FHIT: variants seen among roughly 807,000 people sequenced by gnomAD.
FHIT encodes fragile histidine triad diadenosine triphosphatase.
In FHIT, 19 loss-of-function variants were observed where a neutral mutation model predicts 17.9. The ratio of observed to expected loss-of-function variants is 1.06; its 90% CI spans 0.74 to 1.56. FHIT has a LOEUF of 1.56. Ranked by LOEUF, FHIT falls within the 40% of genes most tolerant of loss-of-function variation. FHIT has a pLI of 0.00. For synonymous variants in FHIT, 81 were observed against 69.7 expected, an observed-to-expected ratio of 1.16 and a Z score of -0.81; for missense variants, 248 against 189.2, an observed-to-expected ratio of 1.31 and a Z score of -1.82.
chr3:59,821,026 G>A (rs1162319968), intron 8 of FHIT, among the ~76,000 whole-genome samples: 1 of 152,194 alleles, frequency 6.6e-6, no homozygotes, highest in East Asian at 1.9e-4. Flanking sequence ...TGAATTCAAA[G>A]TGCAGATAAA....
At chr3:60,372,836 T>C (rs994980649) in intron 5 of FHIT, among the ~76,000 whole-genome samples, 2 of 152,134 alleles carry the variant, frequency 1.3e-5, no homozygotes, top group African/African-American at 4.8e-5. Flanking sequence ...TCCTCTGAAA[T>C]TAAAGTTTCT....
chr3:59,872,700 T>C (rs1702976976), intron 8 of FHIT, among the ~76,000 whole-genome samples: 1 of 152,220 alleles, frequency 6.6e-6, no homozygotes, highest in Admixed American at 6.5e-5. Context: ...CAACAGATTT[T>C]GGACTCAGCA....
chr3:61,128,247 T>C (rs934511439), intron 2 of FHIT, among the ~76,000 whole-genome samples: 1 of 152,130 alleles, frequency 6.6e-6, no homozygotes, highest in Non-Finnish European at 1.5e-5. Flanking sequence ...ATTCACAGAA[T>C]ACAGTGCAAG....
intron 3 of FHIT, among the ~76,000 whole-genome samples, chr3:60,857,253 C>T (rs1703427050): frequency 6.6e-6 from 1 of 152,084 alleles, no homozygotes; most frequent in South Asian, 2.1e-4. Flanking sequence ...AAAAAAGTTA[C>T]TCAGAGTGGT....
At chr3:59,801,727 C>T (rs1006945980) in intron 8 of FHIT, among the ~76,000 whole-genome samples, 26 of 152,052 alleles carry the variant, frequency 1.7e-4, no homozygotes, top group Non-Finnish European at 3.1e-4. Flanking sequence ...TGTCACCACC[C>T]TCACTGTACA....
intron 3 of FHIT, among the ~76,000 whole-genome samples, chr3:61,034,598 T>C (rs1275967738): frequency 6.6e-6 from 1 of 152,124 alleles, no homozygotes; most frequent in Non-Finnish European, 1.5e-5. Flanking sequence ...TCACACCTAA[T>C]AGGATGGCTA....
At chr3:59,885,493 C>G (rs1210276393) in intron 8 of FHIT, among the ~76,000 whole-genome samples, 2 of 149,588 alleles carry the variant, frequency 1.3e-5, no homozygotes, top group Non-Finnish European at 3.0e-5. Context: ...TTGGTCCAAG[C>G]TATTCTGAGA....
rs528024825 is a variant in FHIT, at chr3:60,521,310, T to G, written c.103+15550A>C. On this transcript the variant is annotated intron_variant, in intron 5 of 9. Coordinates refer to ENST00000492590, the MANE Select transcript of FHIT (RefSeq NM_002012.4). ...TCTCCCAGGCTGGAGTGCAATGGCA[T>G]GATCTCGGCTCACTGCAAGCTCCGC... Among the ~76,000 whole-genome samples, 14 of 152,204 alleles carry G rather than the reference T, an allele frequency of 9.2e-5. No homozygotes were observed. The East Asian group carries it at 1.2e-3, about 13-fold the overall frequency.
intron 5 of FHIT, among the ~76,000 whole-genome samples, chr3:60,307,205 C>T (rs1289695208): frequency 6.6e-6 from 1 of 152,150 alleles, no homozygotes; most frequent in East Asian, 1.9e-4. Flanking sequence ...TCCAGTAAAA[C>T]ATCTCCTCAA....
chr3:60,268,524 A>G (rs1306399030), intron 5 of FHIT, among the ~76,000 whole-genome samples: 1 of 152,242 alleles, frequency 6.6e-6, no homozygotes, highest in Non-Finnish European at 1.5e-5. Flanking sequence ...GAAGCTGGAC[A>G]TTTATTGAGT....
chr3:59,768,795 T>G (rs1248418999), intron 8 of FHIT, among the ~76,000 whole-genome samples: 3 of 152,252 alleles, frequency 2.0e-5, no homozygotes, highest in Non-Finnish European at 2.9e-5. Flanking sequence ...AGTTTAATTA[T>G]GTTATGTAAA....
intron 4 of FHIT, among the ~76,000 whole-genome samples, chr3:60,703,576 C>T (rs556868173): frequency 2.0e-5 from 3 of 152,204 alleles, no homozygotes; most frequent in South Asian, 4.2e-4. Context: ...TAATTATATA[C>T]TTCCACATAT....
At chr3:59,810,420 A>T (rs530601032) in intron 8 of FHIT, among the ~76,000 whole-genome samples, 8 of 152,320 alleles carry the variant, frequency 5.3e-5, no homozygotes, top group African/African-American at 1.9e-4. Context: ...GACCCTCCCA[A>T]ATCAATCAAA....
At chr3:59,956,839 T>C (rs1013291937) in intron 7 of FHIT, among the ~76,000 whole-genome samples, 2 of 152,198 alleles carry the variant, frequency 1.3e-5, no homozygotes, top group East Asian at 1.9e-4. Flanking sequence ...GTAAACATTA[T>C]TGTCAAAAAT....
chr3:60,456,557 T>C (rs926840667), intron 5 of FHIT, among the ~76,000 whole-genome samples: 2 of 152,218 alleles, frequency 1.3e-5, no homozygotes, highest in Non-Finnish European at 2.9e-5. Flanking sequence ...TACTGTATCA[T>C]AGCAATTAAG....
intron 5 of FHIT, among the ~76,000 whole-genome samples, chr3:60,083,031 A>G (rs1310085744): frequency 6.6e-6 from 1 of 152,052 alleles, no homozygotes; most frequent in Non-Finnish European, 1.5e-5. Flanking sequence ...GTCATAAATT[A>G]TTTCCCAAGG....
chr3:60,387,647 T>C (rs997394523), intron 5 of FHIT, among the ~76,000 whole-genome samples: 3 of 152,160 alleles, frequency 2.0e-5, no homozygotes, highest in African/African-American at 7.2e-5. Flanking sequence ...AGTCTGTCTG[T>C]TTCTCCACTC....
chr3:60,011,302 T>C lies in FHIT; in HGVS notation c.279+69A>G, dbSNP rs1700127751. ...GAAACAGCAATGTGCTGCATATGAC[T>C]CGTTGTGATTTTTTATTAGTTCTCA... is the stretch of plus-strand genomic sequence containing the variant. On this transcript the variant is annotated intron_variant, in intron 7 of 9. Coordinates refer to ENST00000492590, the MANE Select transcript of FHIT (RefSeq NM_002012.4). 33 of 1,431,602 alleles carry C rather than the reference T, an allele frequency of 2.3e-5. No homozygotes were observed. The South Asian group carries it at 3.8e-4, about 16-fold the overall frequency. The allele number at this position is 1,431,602 out of a possible 1,614,324, so 88.7% of individuals were successfully genotyped here.
chr3:61,055,092 G>A (rs1575927028), intron 2 of FHIT, among the ~76,000 whole-genome samples: 2 of 98,218 alleles, frequency 2.0e-5, no homozygotes, highest in South Asian at 6.5e-4. Flanking sequence ...AGTATCTTTT[G>A]TTTGTTTGTT....
Sources: allele counts gnomAD v4.1 joint callset (sites outside exome capture counted in the v4.1 genomes callset), GRCh38; gene constraint gnomAD v4.1.1; transcripts MANE v1.5; gene names NCBI Gene and HGNC (gene_info 2026-07-23, HGNC 2026-07-21).